SLF2: variants seen among roughly 807,000 people sequenced by gnomAD.
The protein encoded by SLF2 is SMC5/6 complex localization factor 2, also known as SMC5-SMC6 complex localization factor protein 2.
In SLF2, 68 loss-of-function variants were observed where a neutral mutation model predicts 124.3. The ratio of observed to expected loss-of-function variants is 0.55; its 90% CI spans 0.45 to 0.67. The LOEUF (loss-of-function observed/expected upper bound fraction) is 0.67. SLF2 is among the 30% of genes least tolerant of loss of function. SLF2 has a pLI of 0.00. For missense variants in SLF2, 1,246 were observed against 1,373.7 expected, an observed-to-expected ratio of 0.91 and a Z score of 1.47; for synonymous variants, 480 against 478.8, an observed-to-expected ratio of 1.00 and a Z score of -0.03.
intron 18 of SLF2, among the ~76,000 whole-genome samples, chr10:100,957,920 G>A (rs552434412): frequency 3.7e-4 from 57 of 152,020 alleles, no homozygotes; most frequent in Non-Finnish European, 7.5e-4. Context: ...GTGGTGGTGC[G>A]TGCCTGTAGT....
Position 100,912,990 on chromosome 10 carries a change from A to G in SLF2, c.-121A>G, listed in dbSNP as rs182005485. 39 of 1,071,066 alleles carry G rather than the reference A, an allele frequency of 3.6e-5. No homozygotes were observed. Among genetic ancestry groups the G allele is most frequent in the Admixed American group, 4.9e-5 (2 of 40,602 alleles). The allele number at this position is 1,071,066 out of a possible 1,614,324, so 66.3% of individuals were successfully genotyped here. On this transcript the variant is annotated 5_prime_UTR_variant, in exon 1 of 20. Coordinates refer to ENST00000238961, the MANE Select transcript of SLF2 (RefSeq NM_018121.4). ...TTCCGAAGAGAGAACCGCCATGAAGAGAGAAGGGGGTGCCGCCCACCTCTG... is the reference window on the plus strand; with the variant it reads ...TTCCGAAGAGAGAACCGCCATGAAGGGAGAAGGGGGTGCCGCCCACCTCTG...
Position 100,959,516 on chromosome 10 carries a change from T to C in SLF2, c.3486+20T>C, listed in dbSNP as rs1007096224. On this transcript the variant is annotated intron_variant, in intron 19 of 19. Coordinates refer to ENST00000238961, the MANE Select transcript of SLF2 (RefSeq NM_018121.4). The stretch of plus-strand genomic sequence containing the variant: ...ACTCAGGTGTCATTTTGTTATACAA[T>C]TTCATGTATTCTTAATAGTTTTGCT... 1.2e-6 allele frequency: 2 copies of C among 1,612,610 alleles called. No individual in the cohort carries two copies. Among genetic ancestry groups the C allele is most frequent in the Non-Finnish European group, 1.7e-6 (2 of 1,179,562 alleles).
At chr10:100,923,324 C>T (rs866183043) in intron 4 of SLF2, among the ~76,000 whole-genome samples, 6 of 152,258 alleles carry the variant, frequency 3.9e-5, no homozygotes, top group Non-Finnish European at 5.9e-5. Context: ...TTCCTTACCT[C>T]GTCTAGCTTC....
At chr10:100,941,916 A>C (rs944018177) in intron 11 of SLF2, among the ~76,000 whole-genome samples, 1 of 152,248 alleles carries the variant, frequency 6.6e-6, no homozygotes, top group African/African-American at 2.4e-5. Context: ...TTGAAAAACA[A>C]GTTCTTCACA....
At chr10:100,936,098 T>C (rs1443546040) in intron 9 of SLF2, among the ~76,000 whole-genome samples, 2 of 151,882 alleles carry the variant, frequency 1.3e-5, no homozygotes, top group Non-Finnish European at 2.9e-5. Flanking sequence ...TGGGCTCAAA[T>C]GATCCTCCCA....
chr10:100,950,059 C>T lies in SLF2; in HGVS notation c.3121-17C>T. 2 of 1,549,386 alleles carry T rather than the reference C, an allele frequency of 1.3e-6. No homozygotes were observed. Among genetic ancestry groups the T allele is most frequent in the Non-Finnish European group, 1.7e-6 (2 of 1,145,310 alleles). The stretch of plus-strand genomic sequence containing the variant: ...TATTATTTAGCTTTGTTCAATGTCT[C>T]CTCTTTCTTTTGATAGGTATCAGTC... On this transcript the variant is annotated splice_polypyrimidine_tract_variant and intron_variant, in intron 15 of 19. Coordinates refer to ENST00000238961, the MANE Select transcript of SLF2 (RefSeq NM_018121.4).
intron 11 of SLF2, among the ~76,000 whole-genome samples, chr10:100,940,943 C>G (rs1040674346): frequency 2.6e-5 from 4 of 151,328 alleles, no homozygotes; most frequent in Non-Finnish European, 4.4e-5. Flanking sequence ...TCAAGTGGCC[C>G]TCCTGCCTCA....
At chr10:100,952,879 C>T (rs1008458773) in intron 17 of SLF2, among the ~76,000 whole-genome samples, 3 of 151,926 alleles carry the variant, frequency 2.0e-5, no homozygotes, top group Non-Finnish European at 4.4e-5. Flanking sequence ...GCGAAGGTTG[C>T]AGTGAGCTGA....
chr10:100,946,840 C>T (rs974308418), intron 13 of SLF2, among the ~76,000 whole-genome samples, 199 bp from the exon 14 acceptor site: 2 of 152,134 alleles, frequency 1.3e-5, no homozygotes, highest in Non-Finnish European at 2.9e-5. Flanking sequence ...CTGTTCAGTC[C>T]ATTTAAGATA....
chr10:100,940,482 C>T (rs1198559343), intron 11 of SLF2, among the ~76,000 whole-genome samples: 1 of 152,156 alleles, frequency 6.6e-6, no homozygotes, highest in Non-Finnish European at 1.5e-5. Context: ...ACCTCAGCCT[C>T]CTGAGTAGCT....
Position 100,924,177 on chromosome 10 carries a change from A to G in SLF2, c.1176A>G (p.Ile392Met). 6.2e-7 allele frequency: 1 copy of G among 1,614,096 alleles called. No homozygotes were observed. Among genetic ancestry groups the G allele is most frequent in the Non-Finnish European group, 8.5e-7 (1 of 1,179,994 alleles). ...GTGATGTGTTGCGCTTAGAAGATATATCCAAGGAACCGAGTGATGAAACTG... is the reference window on the plus strand; with the variant it reads ...GTGATGTGTTGCGCTTAGAAGATATGTCCAAGGAACCGAGTGATGAAACTG... ...TPGDVLRLED[I>M]SKEPSDETDG... The change falls in exon 5 of 20, where the codon ATA (isoleucine) becomes ATG (methionine). Residue 392 changes from isoleucine to methionine, a missense_variant. Around this residue, in one of 3 missense-constraint regions of SLF2, gnomAD observed 698 missense variants for 708.9 expected, o/e 0.98. Coordinates refer to ENST00000238961, the MANE Select transcript of SLF2 (RefSeq NM_018121.4).
intron 9 of SLF2, among the ~76,000 whole-genome samples, chr10:100,936,867 A>T (rs1433312757): frequency 2.4e-5 from 1 of 42,126 alleles, no homozygotes; most frequent in Non-Finnish European, 1.1e-4. Context: ...GAAAGTTGTA[A>T]AAAAAAAAAA....
chr10:100,930,244 A>G (rs1023569898), intron 8 of SLF2, among the ~76,000 whole-genome samples: 3 of 152,196 alleles, frequency 2.0e-5, no homozygotes, highest in Non-Finnish European at 2.9e-5. Context: ...GTGATTGTCA[A>G]AATAATAGTG....
intron 9 of SLF2, among the ~76,000 whole-genome samples, chr10:100,932,983 AG>A (rs1287047598): frequency 2.6e-5 from 4 of 152,174 alleles, no homozygotes; most frequent in African/African-American, 9.7e-5. Flanking sequence ...CTGTCTTACC[AG>A]CAGTTTTCAG....
chr10:100,915,517 TC>T (rs1203365215), intron 1 of SLF2, among the ~76,000 whole-genome samples: 2 of 152,198 alleles, frequency 1.3e-5, no homozygotes, highest in Admixed American at 6.5e-5. Flanking sequence ...ATTTTTATAA[TC>T]CCCATTATTC....
At position 100,952,250 on chromosome 10, in the gene SLF2, A is replaced by G. The variant is rs1052470330; in HGVS notation, c.3330+1497A>G. Among the ~76,000 whole-genome samples, 46 of 151,068 alleles carry G rather than the reference A, an allele frequency of 3.0e-4. 1 individual carries two copies. Among genetic ancestry groups the G allele is most frequent in the African/African-American group, 1.0e-3 (41 of 40,996 alleles). ...CAGAGCGAGACTTCATCTCAAAAAAAAAAACCTTAGGCTGGACGTGGTGGC... is the reference window on the plus strand; with the variant it reads ...CAGAGCGAGACTTCATCTCAAAAAAGAAAACCTTAGGCTGGACGTGGTGGC... On this transcript the variant is annotated intron_variant, in intron 17 of 19. Transcript: ENST00000238961.
At chr10:100,933,356 T>A (rs796100082) in intron 9 of SLF2, among the ~76,000 whole-genome samples, 1 of 152,224 alleles carries the variant, frequency 6.6e-6, no homozygotes, top group Non-Finnish European at 1.5e-5. Flanking sequence ...TTAAACACTT[T>A]CCCTGTGTAA....
At chr10:100,959,731 A>C (rs1850394601) in intron 19 of SLF2, 2 of 628,262 alleles carry the variant, frequency 3.2e-6, no homozygotes, top group Admixed American at 3.8e-5. Context: ...GCATTGCATC[A>C]AATGGAGGTT....
intron 9 of SLF2, among the ~76,000 whole-genome samples, chr10:100,931,467 GT>G (rs146378921): frequency 0.037 from 5,448 of 147,600 alleles, 124 homozygotes; most frequent in Non-Finnish European, 0.046. Context: ...CGTATATATG[GT>G]TTTTTTTTTG....
Sources: gnomAD v4.1 joint callset for allele counts (sites outside exome capture counted in the v4.1 genomes callset) on GRCh38, gnomAD v4.1.1 for gene constraint, gnomAD v4.1.1 regional missense constraint, MANE v1.5 for transcripts, NCBI Gene and HGNC (gene_info 2026-07-23, HGNC 2026-07-21) for gene names.